Variants in SRFBP1 observed in about 807,000 individuals in gnomAD.
The protein encoded by SRFBP1 is serum response factor-binding protein 1.
Under a neutral mutation model 45.5 loss-of-function variants are expected in SRFBP1, and 47 were observed. That is an observed-to-expected ratio of 1.03 (90% CI 0.82 to 1.32). The LOEUF (loss-of-function observed/expected upper bound fraction) is 1.32, where lower values mean the gene tolerates loss of function less well. Among genes scored for constraint, SRFBP1 ranks in the 40% most tolerant of loss-of-function variants. The pLI, the probability that SRFBP1 is intolerant of heterozygous loss-of-function variation, is 0.00. For synonymous variants in SRFBP1, 203 were observed against 166.3 expected, an observed-to-expected ratio of 1.22 and a Z score of -1.70; for missense variants, 621 against 484.6, an observed-to-expected ratio of 1.28 and a Z score of -2.64.
At chr5:122,060,888 T>C (rs959329427) in intron 2 of SRFBP1, among the ~76,000 whole-genome samples, 1 of 152,132 alleles carries the variant, frequency 6.6e-6, no homozygotes, top group South Asian at 2.1e-4. Flanking sequence ...GCTTAAGATA[T>C]ATGCCTGTCG....
In SRFBP1 at chr5:122,020,443, C is replaced by A; in HGVS notation, c.708C>A (p.Asn236Lys). Reference sequence around the variant, plus strand: ...AAACTCTAAGTCAAACCAAAAAAAACAAAGGATCTGATAGCTCACTCTCTG... The same window carrying A: ...AAACTCTAAGTCAAACCAAAAAAAAAAAAGGATCTGATAGCTCACTCTCTG... ...KLKTLSQTKK[N>K]KGSDSSLSGN... is the part of the protein sequence containing the mutation. The change falls in exon 6 of 8, where the codon AAC (asparagine) becomes AAA (lysine). Residue 236 changes from asparagine (N) to lysine (K), a missense_variant. Physicochemically the swap from Asn to Lys is moderately conservative, Grantham distance 94. Transcript: ENST00000339397. 1 of 1,613,930 alleles carries A rather than the reference C, an allele frequency of 6.2e-7. No individual in the cohort carries two copies. The highest frequency in any genetic ancestry group is 2.2e-5 in the East Asian group (1 of 44,862).
At chr5:122,028,927 A>G (rs1037815360), downstream of SRFBP1, among the ~76,000 whole-genome samples, 5 of 152,164 alleles carry the variant, frequency 3.3e-5, no homozygotes, top group African/African-American at 1.2e-4. Flanking sequence ...GTTAGCTATT[A>G]GATTTTGTTA....
At chr5:122,060,676 G>T (rs1479717144) in intron 2 of SRFBP1, among the ~76,000 whole-genome samples, 1 of 151,966 alleles carries the variant, frequency 6.6e-6, no homozygotes, top group Non-Finnish European at 1.5e-5. Context: ...TATGTAACCC[G>T]GTCTGCAGGC....
intron 2 of SRFBP1, among the ~76,000 whole-genome samples, chr5:122,056,924 T>C (rs1754088980): frequency 1.3e-5 from 2 of 152,226 alleles, no homozygotes; most frequent in South Asian, 2.1e-4. Flanking sequence ...CAATGGGATA[T>C]GAAACCAGTG....
chr5:121,977,411 A>T (rs891344780), intron 3 of SRFBP1, among the ~76,000 whole-genome samples: 1 of 152,154 alleles, frequency 6.6e-6, no homozygotes, highest in African/African-American at 2.4e-5. Flanking sequence ...TGAATACTAG[A>T]AAGACTATAT....
intron 3 of SRFBP1, among the ~76,000 whole-genome samples, chr5:121,985,429 T>G (rs1752491107): frequency 6.6e-6 from 1 of 151,818 alleles, no homozygotes; most frequent in South Asian, 2.1e-4. Context: ...TCATGAAGTC[T>G]GTGTAAAGGA....
intron 3 of SRFBP1, among the ~76,000 whole-genome samples, chr5:121,979,156 A>G (rs1395228446): frequency 2.0e-5 from 3 of 152,236 alleles, no homozygotes; most frequent in Non-Finnish European, 4.4e-5. Context: ...TCATCAAAAT[A>G]ATATAATAAC....
Position 122,019,456 on chromosome 5 carries a change from A to T in SRFBP1, c.352+115A>T. The T allele has an allele frequency of 4.7e-6, 4 of 845,490 alleles. 1 individual carries two copies. In the South Asian group the frequency reaches 8.2e-5, roughly 17 times the overall value. 52.4% of individuals were successfully genotyped at this position (845,490 alleles called of 1,614,324 possible). ...TATTATAAATATAAGTTTCTTTCAA[A>T]TATTTACCAGTGTGGAAGGTGTCTG... On this transcript the variant is annotated intron_variant, in intron 5 of 7. Transcript: ENST00000339397.
chr5:121,966,313 T>C (rs1752062963), intron 1 of SRFBP1, among the ~76,000 whole-genome samples: 1 of 152,234 alleles, frequency 6.6e-6, no homozygotes, highest in East Asian at 1.9e-4. Flanking sequence ...AAATAAACCA[T>C]CACTTTTTAC....
At chr5:121,967,661 C>T (rs769560954) in intron 1 of SRFBP1, among the ~76,000 whole-genome samples, 5 of 152,022 alleles carry the variant, frequency 3.3e-5, no homozygotes, top group Admixed American at 2.6e-4. Flanking sequence ...GGTGAAACCC[C>T]GTCTCTACAA....
At chr5:121,966,328 TC>T (rs375454216) in intron 1 of SRFBP1, among the ~76,000 whole-genome samples, 13 of 152,348 alleles carry the variant, frequency 8.5e-5, no homozygotes, top group South Asian at 2.1e-4. Flanking sequence ...TTTTACTCTA[TC>T]CTGATGATTA....
At chr5:121,963,531 C>T (rs1277684164) in intron 1 of SRFBP1, among the ~76,000 whole-genome samples, 3 of 152,190 alleles carry the variant, frequency 2.0e-5, no homozygotes, top group East Asian at 1.9e-4. Context: ...TCTTTTCACA[C>T]TTAGCTAACT....
downstream of SRFBP1, chr5:122,076,778 T>C: frequency 2.4e-6 from 2 of 837,564 alleles, no homozygotes; most frequent in Admixed American, 2.1e-5. Context: ...ACTTCCCAGC[T>C]CTTGTCCCAC....
downstream of SRFBP1, among the ~76,000 whole-genome samples, chr5:122,029,490 G>A (rs1284851789): frequency 3.3e-5 from 5 of 152,144 alleles, no homozygotes; most frequent in African/African-American, 1.2e-4. Flanking sequence ...AGACTTGAAA[G>A]AACCCTTCTA....
chr5:122,022,278 G>T, intron 6 of SRFBP1, 92 bp from the exon 7 acceptor site: 1 of 1,074,194 alleles, frequency 9.3e-7, no homozygotes, highest in Non-Finnish European at 1.4e-6. Flanking sequence ...GTGGCCCTTT[G>T]AATTAGTTTT....
At chr5:121,964,792 A>G (rs1322838870) in intron 1 of SRFBP1, among the ~76,000 whole-genome samples, 1 of 152,170 alleles carries the variant, frequency 6.6e-6, no homozygotes. Context: ...TGGTTGAACT[A>G]ATTTACACTC....
chr5:122,008,972 T>C (rs1258660877), intron 4 of SRFBP1, among the ~76,000 whole-genome samples: 1 of 152,226 alleles, frequency 6.6e-6, no homozygotes, highest in African/African-American at 2.4e-5. Flanking sequence ...TATTTCTTAT[T>C]CTATAATAGT....
At chr5:122,057,453 T>C (rs1259969224) in intron 2 of SRFBP1, among the ~76,000 whole-genome samples, 2 of 127,918 alleles carry the variant, frequency 1.6e-5, no homozygotes, top group East Asian at 4.8e-4. Context: ...TGGATTGTTC[T>C]CAGTTCTGTG....
At chr5:122,061,764 G>T (rs1754173776) in intron 2 of SRFBP1, among the ~76,000 whole-genome samples, 1 of 151,838 alleles carries the variant, frequency 6.6e-6, no homozygotes. Context: ...ATAGAACATG[G>T]TTTAGAGAGT....
Sources: gnomAD v4.1 joint callset for allele counts (sites outside exome capture counted in the v4.1 genomes callset) on GRCh38, gnomAD v4.1.1 for gene constraint, MANE v1.5 for transcripts, NCBI Gene and HGNC (gene_info 2026-07-23, HGNC 2026-07-21) for gene names.